DYNC2H1: variants seen among roughly 807,000 people sequenced by gnomAD.
The protein encoded by DYNC2H1 is dynein cytoplasmic 2 heavy chain 1, also known as cytoplasmic dynein 2 heavy chain 1.
A neutral mutation model predicts 570.0 loss-of-function variants in DYNC2H1; 410 were observed. The ratio of observed to expected loss-of-function variants is 0.72; its 90% confidence interval spans 0.66 to 0.78. The LOEUF is 0.78. DYNC2H1 is among the 30% of genes least tolerant of loss of function. The pLI, the probability that DYNC2H1 is intolerant of heterozygous loss-of-function variation, is 0.00. For missense variants in DYNC2H1, 4,865 were observed against 5,046.4 expected, an observed-to-expected ratio of 0.96 and a Z score of 1.09; for synonymous variants, 1,688 against 1,677.6, an observed-to-expected ratio of 1.01 and a Z score of -0.15.
At chr11:103,237,806 A>G (rs1864278115) in intron 63 of DYNC2H1, among the ~76,000 whole-genome samples, 1 of 152,022 alleles carries the variant, frequency 6.6e-6, no homozygotes, top group Non-Finnish European at 1.5e-5. Flanking sequence ...AAGTCTGTAG[A>G]CAAAATATGT....
At chr11:103,364,532 TA>T (rs1254469336) in intron 83 of DYNC2H1, among the ~76,000 whole-genome samples, 1 of 152,096 alleles carries the variant, frequency 6.6e-6, no homozygotes, top group African/African-American at 2.4e-5. Flanking sequence ...GTATAATGAA[TA>T]ACTTTGTACT....
chr11:103,139,745 G>A (rs1402127767), intron 17 of DYNC2H1, among the ~76,000 whole-genome samples: 2 of 151,944 alleles, frequency 1.3e-5, no homozygotes, highest in African/African-American at 4.8e-5. Flanking sequence ...TTGGTGCAGA[G>A]CTGAGTTCAA....
At chr11:103,458,869 G>A (rs1012578090) in intron 87 of DYNC2H1, among the ~76,000 whole-genome samples, 7 of 151,664 alleles carry the variant, frequency 4.6e-5, no homozygotes, top group African/African-American at 1.7e-4. Flanking sequence ...TTTTTTTCCA[G>A]TTAAAAACTT....
chr11:103,167,609 T>C (rs543767749), intron 31 of DYNC2H1, among the ~76,000 whole-genome samples: 1 of 152,254 alleles, frequency 6.6e-6, no homozygotes, highest in African/African-American at 2.4e-5. Flanking sequence ...CCTCAACAGG[T>C]ATGTCATCTA....
chr11:103,136,329 C>G (rs2514002), intron 17 of DYNC2H1, among the ~76,000 whole-genome samples: 103,066 of 151,238 alleles, frequency 0.68, 35,970 homozygotes, highest in East Asian at 0.77. Context: ...CACCCATTAA[C>G]TCGTCATTTA....
intron 70 of DYNC2H1, among the ~76,000 whole-genome samples, chr11:103,276,338 G>A (rs1030946918): frequency 2.6e-4 from 39 of 152,030 alleles, no homozygotes; most frequent in African/African-American, 9.4e-4. Context: ...TGTATAAATT[G>A]TGACTTAATC....
chr11:103,473,312 A>C (rs1945450835), intron 88 of DYNC2H1, among the ~76,000 whole-genome samples: 2 of 129,576 alleles, frequency 1.5e-5, no homozygotes, highest in African/African-American at 3.1e-5. Flanking sequence ...TTTGAGATGG[A>C]GTCTCACTCT....
At chr11:103,445,863 AGG>A (rs1944406565) in intron 85 of DYNC2H1, among the ~76,000 whole-genome samples, 1 of 152,132 alleles carries the variant, frequency 6.6e-6, no homozygotes, top group African/African-American at 2.4e-5. Flanking sequence ...CATGTTAGCC[AGG>A]ATGGTCTCAA....
intron 84 of DYNC2H1, among the ~76,000 whole-genome samples, chr11:103,423,913 G>A (rs1482606154): frequency 6.6e-6 from 1 of 151,962 alleles, no homozygotes; most frequent in African/African-American, 2.4e-5. Context: ...CCTAGTATAT[G>A]GCACTCACAG....
chr11:103,193,083 A>G (rs76606009), intron 47 of DYNC2H1, among the ~76,000 whole-genome samples: 2,163 of 152,298 alleles, frequency 0.014, 53 homozygotes, highest in African/African-American at 0.048. Flanking sequence ...TACCTATCCT[A>G]AAGGGAACTT....
chr11:103,418,844 C>T (rs1565582769), intron 84 of DYNC2H1, among the ~76,000 whole-genome samples: 1 of 152,162 alleles, frequency 6.6e-6, no homozygotes, highest in African/African-American at 2.4e-5. Context: ...TGAGGATATC[C>T]CCTCATGAGC....
At position 103,244,357 on chromosome 11, in the gene DYNC2H1, T is replaced by C. The variant is rs1295775384; in HGVS notation, c.9918+566T>C. Among the ~76,000 whole-genome samples, 1 of 151,922 alleles carries C rather than the reference T, an allele frequency of 6.6e-6. No homozygotes were observed. The highest frequency in any genetic ancestry group is 2.4e-5 in the African/African-American group (1 of 41,428). On this transcript the variant is annotated intron_variant, in intron 64 of 88. Coordinates refer to ENST00000375735, the MANE Select transcript of DYNC2H1 (RefSeq NM_001377.3). This position sits in a 1 kb window ranked among gnomAD's most constrained non-coding sequence, Gnocchi z 4.3. ...AATTATTTTTGGTTAGGTTATTATT[T>C]TGTTAAAGGAAGACCTAATATATGA... is the stretch of plus-strand genomic sequence containing the variant.
Position 103,399,866 on chromosome 11 carries a change from C to T in DYNC2H1, c.12360C>T (p.Asn4120=). 6.2e-7 allele frequency: 1 copy of T among 1,613,112 alleles called. No individual in the cohort carries two copies. The highest frequency in any genetic ancestry group is 1.1e-5 in the South Asian group (1 of 90,958). The change falls in exon 84 of 89, where the codon AAC becomes AAT. Residue 4120 remains asparagine, a synonymous_variant. Transcript: ENST00000375735. ...EVQKLASALL[N]QKCPLAWQSK... is the part of the protein sequence containing the mutation. Reference sequence around the variant, plus strand: ...AAAAATTGGCAAGTGCTTTATTAAACCAAAAGGTAAGCGAGTACTAACTGT... The same window carrying T: ...AAAAATTGGCAAGTGCTTTATTAAATCAAAAGGTAAGCGAGTACTAACTGT...
chr11:103,419,563 T>G (rs1445550249), intron 84 of DYNC2H1, among the ~76,000 whole-genome samples: 2 of 150,104 alleles, frequency 1.3e-5, no homozygotes, highest in Non-Finnish European at 3.0e-5. Context: ...GTGGCCTGAC[T>G]GGTTAAAAAA....
intron 75 of DYNC2H1, among the ~76,000 whole-genome samples, chr11:103,290,016 C>G (rs1454855751): frequency 6.6e-6 from 1 of 151,618 alleles, no homozygotes; most frequent in African/African-American, 2.4e-5. Flanking sequence ...CCACGAGAAC[C>G]TAGGAAGAGA....
chr11:103,163,052 G>A lies in DYNC2H1; in HGVS notation c.4516G>A (p.Glu1506Lys), dbSNP rs146384625. The change falls in exon 30 of 89, where the codon GAA becomes AAA. Residue 1506 changes from glutamate to lysine, a missense_variant. Glu to Lys is a moderately conservative substitution (Grantham distance 56, BLOSUM62 1). Coordinates refer to ENST00000375735, the MANE Select transcript of DYNC2H1 (RefSeq NM_001377.3). This position sits in a 1 kb window ranked among gnomAD's most constrained non-coding sequence, Gnocchi z 4.6. The stretch of plus-strand genomic sequence containing the variant: ...GACATGGTTGAATGATTTGGCCTTA[G>A]AAATGAAGAAAACTTTGGAACAGTT... ...VETWLNDLAL[E>K]MKKTLEQLLK... 2 of 1,612,198 alleles carry A rather than the reference G, an allele frequency of 1.2e-6. No homozygotes were observed. Among genetic ancestry groups the A allele is most frequent in the African/African-American group, 2.7e-5 (2 of 74,922 alleles).
chr11:103,385,765 A>G (rs1404875786), intron 83 of DYNC2H1, among the ~76,000 whole-genome samples: 1 of 152,208 alleles, frequency 6.6e-6, no homozygotes, highest in Non-Finnish European at 1.5e-5. Context: ...AAATTCAGTC[A>G]CATTACATTT....
intron 5 of DYNC2H1, among the ~76,000 whole-genome samples, chr11:103,117,186 C>T (rs1858444199): frequency 6.8e-6 from 1 of 147,030 alleles, no homozygotes; most frequent in Non-Finnish European, 1.5e-5. Context: ...ACAGTAGGCT[C>T]TGCAGCCTTG....
intron 1 of DYNC2H1, among the ~76,000 whole-genome samples, chr11:103,111,098 T>C (rs1858091873): frequency 1.3e-5 from 2 of 152,234 alleles, no homozygotes; most frequent in Non-Finnish European, 2.9e-5. Context: ...AGTGCTGGGA[T>C]TACAGGTGTG....
Sources: allele counts gnomAD v4.1 joint callset (sites outside exome capture counted in the v4.1 genomes callset), GRCh38; gene constraint gnomAD v4.1.1; non-coding constraint Gnocchi (gnomAD v3.1); transcripts MANE v1.5; gene names NCBI Gene and HGNC (gene_info 2026-07-23, HGNC 2026-07-21).